CDH10: variants seen among roughly 807,000 people sequenced by gnomAD.
CDH10 encodes the protein cadherin-10.
Under a neutral mutation model 73.1 loss-of-function variants are expected in CDH10, and 30 were observed. That is an observed-to-expected ratio of 0.41 (90% CI 0.31 to 0.56). The LOEUF (loss-of-function observed/expected upper bound fraction) is 0.56. CDH10 is among the 20% of genes least tolerant of loss of function. The pLI is 0.27. For synonymous variants in CDH10, 345 were observed against 348.2 expected, an observed-to-expected ratio of 0.99 and a Z score of 0.10; for missense variants, 815 against 973.7, an observed-to-expected ratio of 0.84 and a Z score of 2.17.
At chr5:24,626,812 G>GTT (rs1277980927) in intron 1 of CDH10, among the ~76,000 whole-genome samples, 1 of 149,824 alleles carries the variant, frequency 6.7e-6, no homozygotes, top group Non-Finnish European at 1.5e-5. Context: ...GTGTGTGTGT[G>GTT]TGTGTATAAG....
At chr5:24,593,170 T>C in intron 2 of CDH10, 90 bp downstream of exon 2, 1 of 724,366 alleles carries the variant, frequency 1.4e-6, no homozygotes, top group African/African-American at 1.8e-5. Flanking sequence ...ATCAGATTTA[T>C]AAAAATGATG....
chr5:24,533,848 C>T (rs1256513637), intron 5 of CDH10, among the ~76,000 whole-genome samples: 1 of 151,972 alleles, frequency 6.6e-6, no homozygotes, highest in East Asian at 1.9e-4. Context: ...ACATGCCTTG[C>T]CCTATGAGTT....
chr5:24,583,699 G>A (rs1289644211), intron 2 of CDH10, among the ~76,000 whole-genome samples: 1 of 152,146 alleles, frequency 6.6e-6, no homozygotes, highest in East Asian at 1.9e-4. Context: ...ATGCTGGAGT[G>A]CAGTGGCGCA....
At chr5:24,571,789 T>C (rs1364433289) in intron 2 of CDH10, among the ~76,000 whole-genome samples, 1 of 152,096 alleles carries the variant, frequency 6.6e-6, no homozygotes, top group Non-Finnish European at 1.5e-5. Flanking sequence ...TGACTCGTAG[T>C]GTTTGCCAAT....
chr5:24,520,193 T>C (rs772235699), intron 5 of CDH10, among the ~76,000 whole-genome samples: 1 of 152,172 alleles, frequency 6.6e-6, no homozygotes, highest in Non-Finnish European at 1.5e-5. Flanking sequence ...GAATTATTGT[T>C]TGTAAAATGA....
chr5:24,599,783 G>A (rs1053836898), intron 1 of CDH10, among the ~76,000 whole-genome samples: 2 of 152,048 alleles, frequency 1.3e-5, no homozygotes, highest in Admixed American at 6.6e-5. Flanking sequence ...TTTGTGGCAC[G>A]TATTTGTGAG....
At chr5:24,553,284 T>C (rs767045670) in intron 2 of CDH10, among the ~76,000 whole-genome samples, 1 of 152,052 alleles carries the variant, frequency 6.6e-6, no homozygotes, top group Non-Finnish European at 1.5e-5. Flanking sequence ...TGTTCCTTGG[T>C]GTGTGTATGT....
chr5:24,599,235 G>A (rs1746477597), intron 1 of CDH10, among the ~76,000 whole-genome samples: 1 of 152,000 alleles, frequency 6.6e-6, no homozygotes, highest in South Asian at 2.1e-4. Flanking sequence ...ATGCTCTGAG[G>A]GTTACTTAAA....
chr5:24,552,017 AAAAACAAAGC>A (rs1450790341), intron 2 of CDH10, among the ~76,000 whole-genome samples: 1 of 152,116 alleles, frequency 6.6e-6, no homozygotes, highest in Non-Finnish European at 1.5e-5. Flanking sequence ...ATCTTCTATT[AAAAACAAAGC>A]AAAACAATAA....
intron 1 of CDH10, among the ~76,000 whole-genome samples, chr5:24,631,214 C>A (rs1284164473): frequency 6.6e-6 from 1 of 152,082 alleles, no homozygotes; most frequent in Non-Finnish European, 1.5e-5. Context: ...CACTGTATGT[C>A]ATCAACTTTA....
At chr5:24,595,322 CATT>C (rs1746336159) in intron 1 of CDH10, among the ~76,000 whole-genome samples, 1 of 151,764 alleles carries the variant, frequency 6.6e-6, no homozygotes, top group African/African-American at 2.4e-5. Context: ...CTTTTTGTTT[CATT>C]ATTAAGAAGA....
intron 5 of CDH10, among the ~76,000 whole-genome samples, chr5:24,526,228 T>C (rs1185317640): frequency 1.3e-5 from 2 of 152,020 alleles, no homozygotes; most frequent in African/African-American, 4.8e-5. Context: ...AATCCCATTA[T>C]GTAAGATGCC....
intron 2 of CDH10, among the ~76,000 whole-genome samples, chr5:24,551,960 C>T (rs1449376706): frequency 1.3e-5 from 2 of 151,966 alleles, no homozygotes; most frequent in Middle Eastern, 3.4e-3. Context: ...ATTTATTTTC[C>T]ATTTTTGACA....
At chr5:24,492,975 T>C (rs1488847887) in intron 9 of CDH10, 50 bp from the exon 10 acceptor site, 1 of 762,896 alleles carries the variant, frequency 1.3e-6, no homozygotes, top group South Asian at 1.5e-5. Context: ...TATCCATGGG[T>C]ATAATCTGCA....
In CDH10 at chr5:24,606,771, T is replaced by A. The variant is rs143299991; in HGVS notation, c.-123-13158A>T. Among the ~76,000 whole-genome samples, 322 of 152,322 alleles carry A rather than the reference T, an allele frequency of 2.1e-3. 2 individuals are homozygous for A. The highest frequency in any genetic ancestry group is 7.3e-3 in the African/African-American group (305 of 41,572). Reference sequence around the variant, plus strand: ...TTTAAGAGTATGTAATTTTATGAATTACACAGGAAGCAAAACTTACTACAT... The same window carrying A: ...TTTAAGAGTATGTAATTTTATGAATAACACAGGAAGCAAAACTTACTACAT... On this transcript the variant is annotated intron_variant, in intron 1 of 11. Coordinates refer to ENST00000264463, the MANE Select transcript of CDH10 (RefSeq NM_006727.5).
intron 2 of CDH10, among the ~76,000 whole-genome samples, chr5:24,549,826 AC>A (rs1380155509): frequency 6.6e-6 from 1 of 152,148 alleles, no homozygotes; most frequent in Non-Finnish European, 1.5e-5. Context: ...TGCTGAGATT[AC>A]AGGCGTGAGC....
chr5:24,621,328 A>G (rs1196294935), intron 1 of CDH10, among the ~76,000 whole-genome samples: 1 of 152,182 alleles, frequency 6.6e-6, no homozygotes, highest in Non-Finnish European at 1.5e-5. Context: ...TGACCAAGGC[A>G]TATCTACTAA....
intron 2 of CDH10, among the ~76,000 whole-genome samples, chr5:24,580,851 G>A (rs540027090): frequency 6.6e-6 from 1 of 152,074 alleles, no homozygotes; most frequent in Non-Finnish European, 1.5e-5. Flanking sequence ...TGCATTCTGT[G>A]GCTTGTGTCC....
At chr5:24,519,194 A>G (rs1001109816) in intron 5 of CDH10, among the ~76,000 whole-genome samples, 19 of 152,120 alleles carry the variant, frequency 1.2e-4, no homozygotes, top group African/African-American at 4.3e-4. Flanking sequence ...CCCAGCCCAC[A>G]TGCAAAATTT....
Sources: allele counts gnomAD v4.1 joint callset (sites outside exome capture counted in the v4.1 genomes callset), GRCh38; gene constraint gnomAD v4.1.1; transcripts MANE v1.5; gene names NCBI Gene and HGNC (gene_info 2026-07-23, HGNC 2026-07-21).